The following DSC1 variants were observed in gnomAD, a reference collection of about 807,000 sequenced individuals.
DSC1 encodes desmocollin-1.
DSC1 carries 79 observed loss-of-function variants against 98.8 expected under a neutral mutation model. The ratio of observed to expected loss-of-function variants is 0.80; its 90% CI spans 0.67 to 0.96. DSC1 has a LOEUF of 0.96. DSC1 is among the 50% of genes least tolerant of loss of function. The pLI is 0.00. For synonymous variants in DSC1, 405 were observed against 372.1 expected, an observed-to-expected ratio of 1.09 and a Z score of -1.02; for missense variants, 1,115 against 1,075.9, an observed-to-expected ratio of 1.04 and a Z score of -0.51.
At position 31,159,497 on chromosome 18, in the gene DSC1, T is replaced by C. The variant is rs765802872; in HGVS notation, c.96A>G (p.Lys32=). Residue 32 remains lysine (K), a synonymous_variant, in exon 2 of 16, where the codon AAA becomes AAG. Coordinates refer to ENST00000257198, the MANE Select transcript of DSC1 (RefSeq NM_024421.2). Reference sequence around the variant, plus strand: ...GATGAGAAGGAACTCGAAGATAAACTTTCTGACAAGCATCGCAAAGTAATG... The same window carrying C: ...GATGAGAAGGAACTCGAAGATAAACCTTCTGACAAGCATCGCAAAGTAATG... ...VLTLLCDACQ[K]VYLRVPSHLQ... 2 of 1,612,404 alleles carry C rather than the reference T, an allele frequency of 1.2e-6. No homozygotes were observed. Among genetic ancestry groups the C allele is most frequent in the South Asian group, 1.1e-5 (1 of 90,984 alleles).
intron 1 of DSC1, among the ~76,000 whole-genome samples, chr18:31,161,905 T>C (rs1487743446): frequency 1.3e-5 from 2 of 152,138 alleles, no homozygotes; most frequent in Non-Finnish European, 2.9e-5. Context: ...TCAGAAATGA[T>C]GGACGGATGT....
Position 31,140,631 on chromosome 18 carries a change from G to C in DSC1, c.1261-330C>G, listed in dbSNP as rs149240757. Reference sequence around the variant, plus strand: ...AAATTACTTTACTGCTTATTATATGGGATAACAGTGACAACTAAATTGCCT... The same window carrying C: ...AAATTACTTTACTGCTTATTATATGCGATAACAGTGACAACTAAATTGCCT... On this transcript the variant is annotated intron_variant, in intron 9 of 15. Coordinates refer to ENST00000257198, the MANE Select transcript of DSC1 (RefSeq NM_024421.2). Among the ~76,000 whole-genome samples the C allele has an allele frequency of 2.8e-3, 425 of 152,148 alleles. 1 individual carries two copies. The highest frequency in any genetic ancestry group is 9.9e-3 in the African/African-American group (412 of 41,512).
intron 11 of DSC1, among the ~76,000 whole-genome samples, chr18:31,137,583 T>C (rs937154653): frequency 6.6e-6 from 1 of 152,262 alleles, no homozygotes; most frequent in South Asian, 2.1e-4. Context: ...TTATACAAAA[T>C]TGAACTCATA....
chr18:31,150,357 C>CTAT (rs1988962571), intron 5 of DSC1, among the ~76,000 whole-genome samples: 1 of 1,566 alleles, frequency 6.4e-4, no homozygotes, highest in Non-Finnish European at 1.3e-3. Flanking sequence ...ACCACCACCA[C>CTAT]CATCATCACC....
At chr18:31,157,694 G>T in intron 2 of DSC1, 121 bp from the exon 3 acceptor site, 1 of 997,126 alleles carries the variant, frequency 1.0e-6, no homozygotes. Context: ...CATTTGGAAT[G>T]TGCTCAGCAC....
At chr18:31,149,774 C>T in intron 5 of DSC1, among the ~76,000 whole-genome samples, 1 of 152,058 alleles carries the variant, frequency 6.6e-6, no homozygotes, top group East Asian at 1.9e-4. Flanking sequence ...TTCGTGCTAA[C>T]CTGGAAAGGA....
chr18:31,143,239 A>G (rs1160529565), intron 8 of DSC1, among the ~76,000 whole-genome samples: 1 of 151,942 alleles, frequency 6.6e-6, no homozygotes, highest in Non-Finnish European at 1.5e-5. Context: ...GCCAGCCTGT[A>G]CTACTGTCTC....
chr18:31,133,610 T>C (rs1194757145), intron 13 of DSC1, among the ~76,000 whole-genome samples: 1 of 152,124 alleles, frequency 6.6e-6, no homozygotes, highest in East Asian at 1.9e-4. Context: ...CTCTTCATTT[T>C]ACACATGGAA....
chr18:31,145,408 G>T, intron 7 of DSC1, among the ~76,000 whole-genome samples: 1 of 152,182 alleles, frequency 6.6e-6, no homozygotes, highest in Admixed American at 6.5e-5. Context: ...TCAGGTTAGT[G>T]ATTTCAAGTG....
rs996181029 is a variant in DSC1 at position 31,154,859 on chromosome 18, G to T, written c.542C>A (p.Pro181His). ...TTTCTCTATGTAAAACAAATTGAAG[G>T]GTTCTTTGTCCACGCCTGGCCCACT... Reference protein sequence around the residue: ...SISGPGVDKEPFNLFYIEKDT... With the variant: ...SISGPGVDKEHFNLFYIEKDT... Residue 181 changes from proline (P) to histidine (H), a missense_variant, in exon 5 of 16, where the codon CCC becomes CAC. Coordinates refer to ENST00000257198, the MANE Select transcript of DSC1 (RefSeq NM_024421.2). The T allele has an allele frequency of 6.2e-7, 1 of 1,613,814 alleles. No individual in the cohort carries two copies. The highest frequency in any genetic ancestry group is 1.3e-5 in the African/African-American group (1 of 74,878).
rs367823889 is a variant in DSC1, at chr18:31,139,916, C to A, written c.1521-26G>T. ...CTAATTTTTAGAAATCAAATATGAACGGTCAAATCAAAGAAGGGACATGAT... is the reference window on the plus strand; with the variant it reads ...CTAATTTTTAGAAATCAAATATGAAAGGTCAAATCAAAGAAGGGACATGAT... On this transcript the variant is annotated intron_variant, in intron 10 of 15. Transcript: ENST00000257198. The A allele has an allele frequency of 3.4e-5, 53 of 1,581,152 alleles. 2 individuals carry two copies. The East Asian group carries it at 1.1e-3, about 32-fold the overall frequency.
At chr18:31,154,605 GT>G (rs983412554) in intron 5 of DSC1, among the ~76,000 whole-genome samples, 168 bp downstream of exon 5, 1 of 151,870 alleles carries the variant, frequency 6.6e-6, no homozygotes, top group Admixed American at 6.6e-5. Context: ...TATATCCACT[GT>G]TTTTCCCCAT....
At chr18:31,134,337 T>C (rs542453422) in intron 12 of DSC1, among the ~76,000 whole-genome samples, 1 of 152,176 alleles carries the variant, frequency 6.6e-6, no homozygotes, top group South Asian at 2.1e-4. Flanking sequence ...ACTTAACATG[T>C]TGCTCAAATG....
chr18:31,132,782 T>G, intron 13 of DSC1, 93 bp from the exon 14 acceptor site: 7 of 1,207,682 alleles, frequency 5.8e-6, no homozygotes, highest in Non-Finnish European at 7.9e-6. Context: ...CTCAAAAAAT[T>G]CATTCCACAA....
Position 31,130,700 on chromosome 18 carries a change from C to T in DSC1, c.2499G>A (p.Leu833=). The change falls in exon 16 of 16, where the codon TTG becomes TTA. Residue 833 remains leucine, a synonymous_variant. Coordinates refer to ENST00000257198, the MANE Select transcript of DSC1 (RefSeq NM_024421.2). The part of the protein sequence containing the change: ...TQPRLGEKVY[L]CGQDEEHKHC... ...GTTTATGCTCCTCATCTTGTCCACA[C>T]AAATACACCTTCTGTATCAAAAAAG... is the stretch of plus-strand genomic sequence containing the variant. 1 of 1,614,022 alleles carries T rather than the reference C, an allele frequency of 6.2e-7. No homozygotes were observed. The highest frequency in any genetic ancestry group is 8.5e-7 in the Non-Finnish European group (1 of 1,179,968).
In DSC1 at chr18:31,130,708, C is replaced by T; in HGVS notation, c.2491G>A (p.Val831Met). The stretch of plus-strand genomic sequence containing the variant: ...TCCTCATCTTGTCCACACAAATACA[C>T]CTTCTGTATCAAAAAAGAGCACATT... ...SFTQPRLGEK[V>M]YLCGQDEEHK... The change falls in exon 16 of 16, where the codon GTG becomes ATG. Residue 831 changes from valine to methionine, a missense_variant. Coordinates refer to ENST00000257198, the MANE Select transcript of DSC1 (RefSeq NM_024421.2). The T allele has an allele frequency of 6.2e-7, 1 of 1,613,592 alleles. No homozygotes were observed. Among genetic ancestry groups the T allele is most frequent in the Non-Finnish European group, 8.5e-7 (1 of 1,179,870 alleles).
intron 14 of DSC1, chr18:31,132,118 G>T (rs756124307): frequency 2.2e-6 from 1 of 463,888 alleles, no homozygotes; most frequent in South Asian, 2.3e-5. Context: ...GGATTAGAGT[G>T]GGTCCCTAAG....
At chr18:31,161,257 C>T (rs901824861) in intron 1 of DSC1, among the ~76,000 whole-genome samples, 2 of 151,962 alleles carry the variant, frequency 1.3e-5, no homozygotes, top group Non-Finnish European at 1.5e-5. Flanking sequence ...CCTATACAGA[C>T]GAGCTCCATT....
chr18:31,149,614 G>A (rs901467974), intron 5 of DSC1, among the ~76,000 whole-genome samples: 1 of 152,088 alleles, frequency 6.6e-6, no homozygotes, highest in African/African-American at 2.4e-5. Flanking sequence ...TGTTCTAATC[G>A]ATGTGGCCTC....
Sources: allele counts gnomAD v4.1 joint callset (sites outside exome capture counted in the v4.1 genomes callset), GRCh38; gene constraint gnomAD v4.1.1; transcripts MANE v1.5; gene names NCBI Gene and HGNC (gene_info 2026-07-23, HGNC 2026-07-21).